The following SLC23A2 variants were observed in gnomAD, a reference collection of about 807,000 sequenced individuals.
The protein encoded by SLC23A2 is solute carrier family 23 member 2, also known as Na(+)/L-ascorbic acid transporter 2.
In SLC23A2, 36 loss-of-function variants were observed where a neutral mutation model predicts 73.3. The observed-to-expected ratio is 0.49, with a 90% CI of 0.38 to 0.65. The LOEUF (loss-of-function observed/expected upper bound fraction) is 0.65, where lower values mean the gene tolerates loss of function less well. Ranked by LOEUF, SLC23A2 falls within the 30% of genes least tolerant of loss-of-function variation. SLC23A2 has a pLI of 0.00. For synonymous variants in SLC23A2, 343 were observed against 327.3 expected, an observed-to-expected ratio of 1.05 and a Z score of -0.52; for missense variants, 507 against 841.6, an observed-to-expected ratio of 0.60 and a Z score of 4.92.
Position 4,896,896 on chromosome 20 carries a change from C to T in SLC23A2, c.482+2659G>A, listed in dbSNP as rs144699712. Among the ~76,000 whole-genome samples the T allele has an allele frequency of 6.6e-5, 10 of 152,320 alleles. 1 individual carries two copies. The East Asian group carries it at 1.9e-3, about 29-fold the overall frequency. The stretch of plus-strand genomic sequence containing the variant: ...GCCTGGGCAGGGGGATCATGCCAGG[C>T]TGTGACTTCCTGCCTTTGCTCCTGC... On this transcript the variant is annotated intron_variant, in intron 6 of 16. Coordinates refer to ENST00000338244, the MANE Select transcript of SLC23A2 (RefSeq NM_005116.6).
chr20:4,984,130 G>A (rs997908831), intron 1 of SLC23A2, among the ~76,000 whole-genome samples: 2 of 152,144 alleles, frequency 1.3e-5, no homozygotes, highest in African/African-American at 4.8e-5. Context: ...AAAGCTGGAT[G>A]ACCCAGCACA....
At chr20:5,007,614 C>T (rs1430735430) in intron 1 of SLC23A2, among the ~76,000 whole-genome samples, 1 of 152,096 alleles carries the variant, frequency 6.6e-6, no homozygotes, top group East Asian at 1.9e-4. Flanking sequence ...TGTACAAGTA[C>T]CACTAATTTT....
At chr20:4,961,131 G>A (rs148652217) in intron 2 of SLC23A2, among the ~76,000 whole-genome samples, 1,649 of 141,036 alleles carry the variant, frequency 0.012, 36 homozygotes, top group African/African-American at 0.041. Flanking sequence ...TTTTTGAGAC[G>A]GAGTCTCGCT....
At chr20:4,943,809 A>AT (rs1444264495) in intron 2 of SLC23A2, among the ~76,000 whole-genome samples, 5 of 152,236 alleles carry the variant, frequency 3.3e-5, no homozygotes, top group African/African-American at 9.6e-5. Flanking sequence ...TAAGCAAATC[A>AT]TGGTGGGTCC....
At chr20:4,914,686 T>C (rs909395397) in intron 3 of SLC23A2, among the ~76,000 whole-genome samples, 2 of 152,136 alleles carry the variant, frequency 1.3e-5, no homozygotes, top group African/African-American at 4.8e-5. Flanking sequence ...AACATAAATG[T>C]CCATCAAAAA....
chr20:4,914,609 T>C (rs1932263669), intron 3 of SLC23A2, among the ~76,000 whole-genome samples: 2 of 152,202 alleles, frequency 1.3e-5, no homozygotes, highest in Admixed American at 6.5e-5. Context: ...GAAATATCCA[T>C]GCAGGTAATA....
intron 13 of SLC23A2, among the ~76,000 whole-genome samples, chr20:4,865,554 C>G (rs1930160362): frequency 6.6e-6 from 1 of 152,128 alleles, no homozygotes; most frequent in African/African-American, 2.4e-5. Context: ...GAATGATTTC[C>G]CAAACTACCT....
At chr20:4,961,849 G>A (rs957284438) in intron 2 of SLC23A2, among the ~76,000 whole-genome samples, 1 of 152,170 alleles carries the variant, frequency 6.6e-6, no homozygotes, top group Non-Finnish European at 1.5e-5. Context: ...GCGAAAAGCA[G>A]TTCTCATATA....
At chr20:4,964,844 A>AAG (rs1340469473) in intron 2 of SLC23A2, among the ~76,000 whole-genome samples, 1 of 151,404 alleles carries the variant, frequency 6.6e-6, no homozygotes, top group African/African-American at 2.4e-5. Context: ...AAAAAAAAAA[A>AAG]AAGAAGAAAA....
At chr20:4,984,058 T>A (rs1262455346) in intron 1 of SLC23A2, among the ~76,000 whole-genome samples, 1 of 151,924 alleles carries the variant, frequency 6.6e-6, no homozygotes, top group Non-Finnish European at 1.5e-5. Context: ...TCGTGCAGAA[T>A]ATATTAAGGA....
At chr20:4,891,770 G>A (rs546829098) in intron 6 of SLC23A2, among the ~76,000 whole-genome samples, 7 of 152,216 alleles carry the variant, frequency 4.6e-5, no homozygotes, top group Non-Finnish European at 7.3e-5. Flanking sequence ...TTTCTTTTGA[G>A]ACAGGGTATC....
At chr20:4,958,519 T>C (rs1204834424) in intron 2 of SLC23A2, among the ~76,000 whole-genome samples, 4 of 152,180 alleles carry the variant, frequency 2.6e-5, no homozygotes, top group Non-Finnish European at 5.9e-5. Context: ...CAAAATACAT[T>C]TATCTAATTT....
At chr20:4,913,634 G>A (rs966708870) in intron 3 of SLC23A2, among the ~76,000 whole-genome samples, 5 of 151,336 alleles carry the variant, frequency 3.3e-5, no homozygotes, top group East Asian at 3.9e-4. Flanking sequence ...TTGTTGTTTC[G>A]TTTTGTTTTT....
At chr20:4,921,980 T>C (rs187134050) in intron 3 of SLC23A2, among the ~76,000 whole-genome samples, 2 of 152,328 alleles carry the variant, frequency 1.3e-5, no homozygotes, top group East Asian at 1.9e-4. Flanking sequence ...AACTGAGTGA[T>C]TACTGCCTCG....
intron 2 of SLC23A2, among the ~76,000 whole-genome samples, chr20:4,944,609 T>C (rs2087089536): frequency 6.6e-6 from 1 of 152,218 alleles, no homozygotes; most frequent in Admixed American, 6.5e-5. Context: ...CACCTTGGGA[T>C]AGGCAATCTT....
chr20:4,877,363 G>A (rs1930701658), intron 9 of SLC23A2, among the ~76,000 whole-genome samples: 1 of 152,118 alleles, frequency 6.6e-6, no homozygotes, highest in Non-Finnish European at 1.5e-5. Context: ...AGAAATGGCT[G>A]AATACATTAT....
In SLC23A2 at chr20:4,885,863, G is replaced by C. The variant is rs773602594; in HGVS notation, c.529C>G (p.Arg177Gly). The change falls in exon 7 of 17, where the codon CGA becomes GGA. Residue 177 changes from arginine (R) to glycine (G), a missense_variant. Physicochemically the swap from Arg to Gly is moderately radical, Grantham distance 125. Transcript: ENST00000338244. ...CATTTATCTAAAGACAGGATGGCTC[G>C]AGCAGGGGCCAAAAATGCAAAAGCA... ...ASAFAFLAPA[R>G]AILSLDKWKC... 2 of 1,613,778 alleles carry C rather than the reference G, an allele frequency of 1.2e-6. No individual in the cohort carries two copies. Among genetic ancestry groups the C allele is most frequent in the East Asian group, 2.2e-5 (1 of 44,870 alleles).
intron 2 of SLC23A2, among the ~76,000 whole-genome samples, chr20:4,961,435 C>T (rs2087388735): frequency 6.6e-6 from 1 of 152,164 alleles, no homozygotes; most frequent in Admixed American, 6.5e-5. Flanking sequence ...CTCCAATCCC[C>T]CAGAGTGGGG....
At chr20:4,910,132 G>C (rs182943880) in intron 4 of SLC23A2, among the ~76,000 whole-genome samples, 278 of 152,132 alleles carry the variant, frequency 1.8e-3, no homozygotes, top group Admixed American at 3.1e-3. Flanking sequence ...GAGCACTTTG[G>C]GAGGCCAAGG....
Sources: allele counts gnomAD v4.1 joint callset (sites outside exome capture counted in the v4.1 genomes callset), GRCh38; gene constraint gnomAD v4.1.1; transcripts MANE v1.5; gene names NCBI Gene and HGNC (gene_info 2026-07-23, HGNC 2026-07-21).